ADGRG2: variants seen among roughly 807,000 people sequenced by gnomAD.
ADGRG2 encodes the protein G protein-coupled receptor 64.
In ADGRG2, 26 loss-of-function variants were observed where a neutral mutation model predicts 74.1. The observed-to-expected ratio is 0.35, with a 90% CI of 0.26 to 0.49. The LOEUF is 0.49. Among genes scored for constraint, ADGRG2 ranks in the 20% least tolerant of loss-of-function variants. The pLI, the probability that ADGRG2 is intolerant of heterozygous loss-of-function variation, is 0.99. For missense variants in ADGRG2, 619 were observed against 763.1 expected (o/e 0.81, Z 2.22); for synonymous variants, 296 against 295.2 (o/e 1.00, Z -0.03).
chrX:19,043,862 T>G (rs1032977194), intron 3 of ADGRG2, among the ~76,000 whole-genome samples: 2 of 110,174 alleles, frequency 1.8e-5, no homozygotes, highest in African/African-American at 6.6e-5. Flanking sequence ...TGTCATTGCT[T>G]CTCCAACTCA....
chrX:19,073,471 T>A (rs1303896902), intron 2 of ADGRG2, among the ~76,000 whole-genome samples: 1 of 111,785 alleles, frequency 8.9e-6, no homozygotes, highest in Non-Finnish European at 1.9e-5. Flanking sequence ...TGAACTCTGA[T>A]GTAAATGGCA....
intron 18 of ADGRG2, among the ~76,000 whole-genome samples, chrX:19,008,607 A>G (rs909401334): frequency 1.2e-4 from 13 of 110,679 alleles, no homozygotes; most frequent in African/African-American, 4.3e-4. Context: ...CGGAGGCTGC[A>G]GTGAGCCAAG....
chrX:19,059,505 C>G (rs2061452566), intron 3 of ADGRG2, among the ~76,000 whole-genome samples: 1 of 111,445 alleles, frequency 9.0e-6, no homozygotes, highest in African/African-American at 3.3e-5. Context: ...TGCGAAGGTG[C>G]TTCGTCAACC....
chrX:18,990,986 G>A lies in ADGRG2; in HGVS notation c.2932C>T (p.His978Tyr). The change falls in exon 29 of 29, where the codon CAC (histidine) becomes TAC (tyrosine). Residue 978 changes from histidine (H) to tyrosine (Y), a missense_variant. This residue lies in a region of ADGRG2 where 106 missense variants were observed against 104.5 expected (regional missense o/e 1.01). Coordinates refer to ENST00000379869, the MANE Select transcript of ADGRG2 (RefSeq NM_001079858.3). ...FSVQNGDVCL[H>Y]DFTGKQHMFN... ...ATGTGCTGTTTTCCAGTGAAATCGT[G>A]AAGGCACACATCTCCATTCTGAACA... 8.3e-7 allele frequency: 1 copy of A among 1,200,248 alleles called. No individual in the cohort carries two copies. Among genetic ancestry groups the A allele is most frequent in the Non-Finnish European group, 1.1e-6 (1 of 885,488 alleles).
chrX:19,099,852 T>C (rs760574294), intron 1 of ADGRG2, among the ~76,000 whole-genome samples: 48 of 111,080 alleles, frequency 4.3e-4, no homozygotes, highest in African/African-American at 1.5e-3. Context: ...CTGGGCAACA[T>C]AGAGAAACCC....
At chrX:19,042,646 T>C (rs2061092237) in intron 3 of ADGRG2, among the ~76,000 whole-genome samples, 1 of 111,145 alleles carries the variant, frequency 9.0e-6, no homozygotes, top group Non-Finnish European at 1.9e-5. Flanking sequence ...TGGTCCTCCA[T>C]CCCTGAGTTT....
chrX:19,074,562 C>CT lies in ADGRG2; in HGVS notation c.-1-5728dup, dbSNP rs1212446647. 7.3e-3 allele frequency among the ~76,000 whole-genome samples: 491 copies of CT among 67,185 alleles called. 15 individuals carry two copies. Among genetic ancestry groups the CT allele is most frequent in the African/African-American group, 0.02 (303 of 15,256 alleles). The allele number at this position is 67,185 out of a possible 115,157, so 58.3% of individuals were successfully genotyped here. A position where few individuals can be genotyped will look rare whatever the true frequency, so the allele number is the denominator to read the frequency against. The stretch of plus-strand genomic sequence containing the variant: ...CATTTTCTTTCTTCTTCTTCTTCTT[C>CT]TTTTTTTTTTTTTTTTTGTTTGTTT... On this transcript the variant is annotated intron_variant, in intron 2 of 28. Coordinates refer to ENST00000379869, the MANE Select transcript of ADGRG2 (RefSeq NM_001079858.3).
intron 9 of ADGRG2, 82 bp downstream of exon 9, chrX:19,030,902 A>C (rs2060812069): frequency 3.0e-6 from 2 of 659,936 alleles, no homozygotes; most frequent in African/African-American, 4.4e-5. Context: ...CACATACCAC[A>C]TACTCAAAAG....
intron 3 of ADGRG2, among the ~76,000 whole-genome samples, chrX:19,066,152 T>C (rs898660624): frequency 3.6e-5 from 4 of 112,639 alleles, no homozygotes; most frequent in African/African-American, 6.4e-5. Flanking sequence ...CCGGCCATTA[T>C]TTCTTTCTTT....
chrX:19,076,454 C>A (rs2061748898), intron 2 of ADGRG2, among the ~76,000 whole-genome samples: 1 of 111,689 alleles, frequency 9.0e-6, no homozygotes, highest in African/African-American at 3.3e-5. Context: ...TCTCTACTGG[C>A]AAATCCAAAT....
intron 3 of ADGRG2, among the ~76,000 whole-genome samples, chrX:19,044,395 C>T (rs1233315704): frequency 9.0e-6 from 1 of 111,687 alleles, no homozygotes. Flanking sequence ...CTATTAGGCC[C>T]ACCCAAGTAG....
intron 1 of ADGRG2, among the ~76,000 whole-genome samples, chrX:19,105,411 G>A (rs921341310): frequency 3.6e-5 from 4 of 112,271 alleles, no homozygotes; most frequent in Non-Finnish European, 3.7e-5. Flanking sequence ...TTTAGGCCAT[G>A]TTAAATAGGC....
At chrX:19,048,910 G>C (rs910465342) in intron 3 of ADGRG2, among the ~76,000 whole-genome samples, 1 of 111,916 alleles carries the variant, frequency 8.9e-6, no homozygotes, top group African/African-American at 3.3e-5. Context: ...AAAGCGGGAG[G>C]CCGACTCACC....
intron 28 of ADGRG2, among the ~76,000 whole-genome samples, chrX:18,991,915 G>C (rs779257173): frequency 8.9e-6 from 1 of 111,866 alleles, no homozygotes; most frequent in African/African-American, 3.3e-5. Context: ...AGCCCTGCAG[G>C]GTGGGTACTA....
intron 1 of ADGRG2, among the ~76,000 whole-genome samples, chrX:19,084,769 C>G (rs1490985580): frequency 8.9e-6 from 1 of 111,971 alleles, no homozygotes; most frequent in Non-Finnish European, 1.9e-5. Context: ...CTTAATGGTT[C>G]TTGGGAATCC....
intron 8 of ADGRG2, chrX:19,033,227 GA>G (rs1160202999): frequency 6.3e-5 from 8 of 127,286 alleles, no homozygotes; most frequent in Non-Finnish European, 1.2e-4. Flanking sequence ...CTTGTCTCAG[GA>G]AAAAAAAATT....
chrX:19,020,049 G>A (rs186273818), intron 14 of ADGRG2, among the ~76,000 whole-genome samples: 97 of 111,641 alleles, frequency 8.7e-4, no homozygotes, highest in African/African-American at 3.1e-3. Context: ...TAGAAACAGA[G>A]AGTGAAATGC....
Position 19,008,111 on chromosome X carries a change from T to C in ADGRG2, c.1435A>G (p.Thr479Ala). Reference protein sequence around the residue: ...DPANLQVSLETQAPENSIGTI... With the variant: ...DPANLQVSLEAQAPENSIGTI... ...CCAATACTGTTCTCAGGAGCTTGGGTTTCCAGAGAAACCTGAAAATCAAGT... is the reference window on the plus strand; with the variant it reads ...CCAATACTGTTCTCAGGAGCTTGGGCTTCCAGAGAAACCTGAAAATCAAGT... Residue 479 changes from threonine to alanine, a missense_variant, in exon 19 of 29, where the codon ACC (threonine) becomes GCC (alanine). Thr to Ala is a moderately conservative substitution (Grantham distance 58). Around this residue, in one of 3 missense-constraint regions of ADGRG2, gnomAD observed 221 missense variants for 340.6 expected, o/e 0.65. Transcript: ENST00000379869. The C allele has an allele frequency of 8.5e-7, 1 of 1,180,989 alleles. No individual in the cohort carries two copies. Among genetic ancestry groups the C allele is most frequent in the South Asian group, 1.9e-5 (1 of 52,163 alleles).
chrX:19,112,325 A>G (rs1355269648), intron 1 of ADGRG2, among the ~76,000 whole-genome samples: 2 of 110,839 alleles, frequency 1.8e-5, no homozygotes, highest in Non-Finnish European at 3.8e-5. Flanking sequence ...CCTCCAAGTA[A>G]GCCTCCCAAA....
Sources: allele counts gnomAD v4.1 joint callset (sites outside exome capture counted in the v4.1 genomes callset), GRCh38; gene constraint gnomAD v4.1.1; regional missense constraint gnomAD v4.1.1; transcripts MANE v1.5; gene names NCBI Gene and HGNC (gene_info 2026-07-23, HGNC 2026-07-21).